LUC7L3: variants seen among roughly 807,000 people sequenced by gnomAD.
LUC7L3 encodes the protein LUC7 like 3 pre-mRNA splicing factor.
A neutral mutation model predicts 66.8 loss-of-function variants in LUC7L3; 6 were observed. The observed-to-expected ratio is 0.09, with a 90% CI of 0.05 to 0.18. The LOEUF is 0.18. Ranked by LOEUF, LUC7L3 falls within the 10% of genes least tolerant of loss-of-function variation. The pLI, the probability that LUC7L3 is intolerant of heterozygous loss-of-function variation, is 1.00. For synonymous variants in LUC7L3, 160 were observed against 174.7 expected (o/e 0.92, Z 0.66); for missense variants, 341 against 531.1 (o/e 0.64, Z 3.52).
At chr17:50,746,449 T>G in intron 8 of LUC7L3, 93 bp from the exon 9 acceptor site, 1 of 1,109,366 alleles carries the variant, frequency 9.0e-7, no homozygotes, top group South Asian at 1.6e-5. Context: ...GAGGGTAAGT[T>G]TTGCCTAGTC....
chr17:50,753,829 T>A lies in LUC7L3; in HGVS notation c.*3168T>A, dbSNP rs1011049609. The A allele has an allele frequency of 6.6e-6, 1 of 152,182 alleles. No individual in the cohort carries two copies. Among genetic ancestry groups the A allele is most frequent in the African/African-American group, 2.4e-5 (1 of 41,438 alleles). The allele number at this position is 152,182 out of a possible 1,614,324, so 9.4% of individuals were successfully genotyped here. A position where few individuals can be genotyped will look rare whatever the true frequency, so the allele number is the denominator to read the frequency against. On this transcript the variant is annotated 3_prime_UTR_variant, in exon 10 of 10. Transcript: ENST00000505658. ...ATCTAGAATCAACGTCTAACTAACT[T>A]AAATGAAGTATAATAAATGAGTTCA...
intron 1 of LUC7L3, chr17:50,736,660 A>G (rs1025465470): frequency 2.0e-5 from 6 of 296,154 alleles, no homozygotes; most frequent in Admixed American, 4.9e-5. Context: ...AAATATAAAA[A>G]TTGCCCTTTA....
chr17:50,723,871 G>A (rs747006650), intron 1 of LUC7L3: 11 of 421,468 alleles, frequency 2.6e-5, no homozygotes. Flanking sequence ...CTGACCTCAA[G>A]TGATCGGTCC....
chr17:50,752,760 G>A lies in LUC7L3; in HGVS notation c.*2099G>A, dbSNP rs1008875532. ...GAGTTACACTATTACTAGAGGTGTT[G>A]GTGTACAGTTTTATCTGATTTGTTC... On this transcript the variant is annotated 3_prime_UTR_variant, in exon 10 of 10. Coordinates refer to ENST00000505658, the MANE Select transcript of LUC7L3 (RefSeq NM_016424.5). 2 of 152,022 alleles carry A rather than the reference G, an allele frequency of 1.3e-5. No individual in the cohort carries two copies. The highest frequency in any genetic ancestry group is 2.1e-4 in the South Asian group (1 of 4,824). The allele number at this position is 152,022 out of a possible 1,614,324, so 9.4% of individuals were successfully genotyped here.
rs1971045587 is a variant in LUC7L3 at position 50,753,118 on chromosome 17, C to A, written c.*2457C>A. The A allele has an allele frequency of 6.6e-6, 1 of 152,134 alleles. No individual in the cohort carries two copies. The highest frequency in any genetic ancestry group is 1.5e-5 in the Non-Finnish European group (1 of 68,014). The allele number at this position is 152,134 out of a possible 1,614,324, so 9.4% of individuals were successfully genotyped here. On this transcript the variant is annotated 3_prime_UTR_variant, in exon 10 of 10. Coordinates refer to ENST00000505658, the MANE Select transcript of LUC7L3 (RefSeq NM_016424.5). ...ATATGGCAAGGGTTTTTTCCCCCCA[C>A]TTAAGTGATTATTTTTGTGTCACAT...
chr17:50,726,864 C>T (rs1445758717), intron 1 of LUC7L3, among the ~76,000 whole-genome samples: 2 of 151,912 alleles, frequency 1.3e-5, no homozygotes, highest in Non-Finnish European at 2.9e-5. Context: ...CCGAGGTGGG[C>T]GGTCACTTGA....
chr17:50,750,388 A>G lies in LUC7L3; in HGVS notation c.1139-113A>G, dbSNP rs1041622389. On this transcript the variant is annotated intron_variant, in intron 9 of 9. Transcript: ENST00000505658. Reference sequence around the variant, plus strand: ...GTAAATTCACCAAACCGTTGCTTGCAGTCTGTGGGAAATGATTGTCTCTCA... The same window carrying G: ...GTAAATTCACCAAACCGTTGCTTGCGGTCTGTGGGAAATGATTGTCTCTCA... The G allele has an allele frequency of 6.0e-5, 58 of 964,302 alleles. No individual in the cohort carries two copies. In the East Asian group the frequency reaches 1.4e-3, roughly 23 times the overall value. The allele number at this position is 964,302 out of a possible 1,614,324, so 59.7% of individuals were successfully genotyped here.
chr17:50,752,229 A>G lies in LUC7L3; in HGVS notation c.*1568A>G, dbSNP rs569246430. ...ACTGTTCGAAGATTTTTGGAAGAATACTGAGAACGGCATAAAGTGAAGATC... is the reference window on the plus strand; with the variant it reads ...ACTGTTCGAAGATTTTTGGAAGAATGCTGAGAACGGCATAAAGTGAAGATC... On this transcript the variant is annotated 3_prime_UTR_variant, in exon 10 of 10. Transcript: ENST00000505658. 1 of 1,285,946 alleles carries G rather than the reference A, an allele frequency of 7.8e-7. No individual in the cohort carries two copies. Among genetic ancestry groups the G allele is most frequent in the South Asian group, 1.2e-5 (1 of 80,350 alleles). The allele number at this position is 1,285,946 out of a possible 1,614,324, so 79.7% of individuals were successfully genotyped here.
chr17:50,742,074 T>TTGTG (rs142033434), intron 5 of LUC7L3, among the ~76,000 whole-genome samples: 335 of 150,756 alleles, frequency 2.2e-3, no homozygotes, highest in African/African-American at 7.3e-3. Flanking sequence ...AGACCTCGTC[T>TTGTG]TGTGTGTGTG....
chr17:50,751,479 G>T lies in LUC7L3; in HGVS notation c.*818G>T, dbSNP rs578096789. On this transcript the variant is annotated 3_prime_UTR_variant, in exon 10 of 10. Coordinates refer to ENST00000505658, the MANE Select transcript of LUC7L3 (RefSeq NM_016424.5). ...TGTTCTTTACAAGAAGTGCAGAGGGGTTTTTTGTGTATTGCGTGAAAACTT... is the reference window on the plus strand; with the variant it reads ...TGTTCTTTACAAGAAGTGCAGAGGGTTTTTTTGTGTATTGCGTGAAAACTT... The T allele has an allele frequency of 1.6e-4, 198 of 1,200,614 alleles. No homozygotes were observed. The African/African-American group carries it at 3.0e-3, about 18-fold the overall frequency. The allele number at this position is 1,200,614 out of a possible 1,614,324, so 74.4% of individuals were successfully genotyped here.
intron 5 of LUC7L3, among the ~76,000 whole-genome samples, chr17:50,742,389 T>C (rs998066551): frequency 6.6e-6 from 1 of 152,176 alleles, no homozygotes; most frequent in South Asian, 2.1e-4. Context: ...TTGACAGTCT[T>C]GCTTTGTCAC....
At chr17:50,738,083 G>T (rs997592547) in intron 2 of LUC7L3, 13 of 430,026 alleles carry the variant, frequency 3.0e-5, no homozygotes, top group African/African-American at 2.7e-4. Context: ...TTTTATTGGT[G>T]GGGCTCTCCT....
intron 1 of LUC7L3, among the ~76,000 whole-genome samples, chr17:50,727,070 CAG>C (rs1471028525): frequency 6.6e-6 from 1 of 151,852 alleles, no homozygotes; most frequent in Admixed American, 6.6e-5. Flanking sequence ...GCCTGGCTGA[CAG>C]AGCGAGACTT....
chr17:50,750,449 CTT>C, intron 9 of LUC7L3, 50 bp from the exon 10 acceptor site: 1 of 1,523,324 alleles, frequency 6.6e-7, no homozygotes, highest in Non-Finnish European at 8.9e-7. Flanking sequence ...AAAATCATGT[CTT>C]TATTGTATTT....
intron 6 of LUC7L3, among the ~76,000 whole-genome samples, chr17:50,744,264 A>AAT (rs1970527843): frequency 6.6e-6 from 1 of 152,236 alleles, no homozygotes; most frequent in African/African-American, 2.4e-5. Flanking sequence ...CTCCATATTG[A>AAT]ATAGGATATG....
intron 1 of LUC7L3, among the ~76,000 whole-genome samples, chr17:50,725,378 C>T (rs1013003629): frequency 6.6e-6 from 1 of 152,134 alleles, no homozygotes; most frequent in African/African-American, 2.4e-5. Flanking sequence ...CCACTGCATT[C>T]CAGCCTGCGT....
intron 1 of LUC7L3, among the ~76,000 whole-genome samples, chr17:50,735,518 T>TC (rs61058486): frequency 3.4e-4 from 51 of 152,158 alleles, no homozygotes; most frequent in Non-Finnish European, 5.7e-4. Flanking sequence ...TTTCTTTTTT[T>TC]CAAGACAGGG....
chr17:50,727,626 T>C (rs1304696358), intron 1 of LUC7L3, among the ~76,000 whole-genome samples: 4 of 152,166 alleles, frequency 2.6e-5, no homozygotes, highest in Non-Finnish European at 5.9e-5. Flanking sequence ...AAGTGGTCTT[T>C]AAATACATTT....
chr17:50,731,842 C>T (rs1440143408), intron 1 of LUC7L3, among the ~76,000 whole-genome samples: 1 of 152,174 alleles, frequency 6.6e-6, no homozygotes, highest in Non-Finnish European at 1.5e-5. Context: ...ATTTGGTTTA[C>T]ACAGTGCCTA....
Sources: gnomAD v4.1 joint callset for allele counts (sites outside exome capture counted in the v4.1 genomes callset) on GRCh38, gnomAD v4.1.1 for gene constraint, MANE v1.5 for transcripts, NCBI Gene and HGNC (gene_info 2026-07-23, HGNC 2026-07-21) for gene names.